The following LILRB3 variants were observed in gnomAD, a reference collection of about 807,000 sequenced individuals.
LILRB3 encodes leukocyte immunoglobulin-like receptor subfamily B member 3.
Under a neutral mutation model 68.2 loss-of-function variants are expected in LILRB3, and 32 were observed. That is an observed-to-expected ratio of 0.47 (90% CI 0.35 to 0.63). LILRB3 has a LOEUF of 0.63. Among genes scored for constraint, LILRB3 ranks in the 30% least tolerant of loss-of-function variants. The probability of loss-of-function intolerance (pLI) is 0.00; values close to 1 mark genes in which losing one functional copy is unlikely to be tolerated. For missense variants in LILRB3, 502 were observed against 791.3 expected, an observed-to-expected ratio of 0.63 and a Z score of 4.39; for synonymous variants, 185 against 323.1, an observed-to-expected ratio of 0.57 and a Z score of 4.58.
At chr19:54,219,454 CG>C in intron 7 of LILRB3, 3 of 1,536,004 alleles carry the variant, frequency 2.0e-6, no homozygotes, top group Non-Finnish European at 2.6e-6. Flanking sequence ...AGCGAGGAAG[CG>C]GCAGAGCTGG....
chr19:54,219,858 C>T (rs1339630689), intron 7 of LILRB3: 23 of 1,548,814 alleles, frequency 1.5e-5, no homozygotes, highest in Non-Finnish European at 2.0e-5. Flanking sequence ...CACTCAGAGC[C>T]CCTCACTCAC....
intron 7 of LILRB3, 119 bp downstream of exon 7, chr19:54,220,036 C>T: frequency 9.7e-7 from 1 of 1,036,100 alleles, no homozygotes; most frequent in Non-Finnish European, 1.3e-6. Flanking sequence ...CCCTCACCAG[C>T]CCAGCCTCAG....
At chr19:54,218,937 C>T in intron 8 of LILRB3, 99 bp from the exon 9 acceptor site, 1 of 1,570,498 alleles carries the variant, frequency 6.4e-7, no homozygotes, top group Non-Finnish European at 8.7e-7. Flanking sequence ...AATATTCCTG[C>T]ATGGATGTTC....
intron 7 of LILRB3, chr19:54,219,777 T>C (rs1173049767): frequency 1.1e-5 from 16 of 1,499,408 alleles, no homozygotes; most frequent in African/African-American, 2.8e-5. Flanking sequence ...CCTGTCCACA[T>C]CACCACCTCC....
chr19:54,216,931 CT>C, exon 13 of LILRB3: 1 of 1,463,480 alleles, frequency 6.8e-7, no homozygotes, highest in Non-Finnish European at 9.0e-7. Context: ...TATTAGTCAT[CT>C]TTGAGTCAGG....
At chr19:54,218,973 AC>A in intron 8 of LILRB3, 135 bp from the exon 9 acceptor site, 7 of 1,529,086 alleles carry the variant, frequency 4.6e-6, no homozygotes, top group South Asian at 1.2e-5. Context: ...ATAGAAAAAA[AC>A]TCCCATGAAT....
Position 54,222,687 on chromosome 19 carries a change from A to T in LILRB3, c.70+60T>A. ...CTACTGTCTCCTCCCCCAGCTGCCCATGGGTGGCCCCCTGTCCCAGTGAGG... is the reference window on the plus strand; with the variant it reads ...CTACTGTCTCCTCCCCCAGCTGCCCTTGGGTGGCCCCCTGTCCCAGTGAGG... On this transcript the variant is annotated intron_variant, in intron 2 of 12. Coordinates refer to ENST00000445347, the Ensembl canonical transcript of LILRB3. The T allele has an allele frequency of 3.1e-6, 5 of 1,612,420 alleles. No homozygotes were observed. In the Admixed American group the frequency reaches 8.3e-5, roughly 27 times the overall value.
At chr19:54,222,308 G>A (rs1314430108) in exon 3 of LILRB3, 5 of 1,610,132 alleles carry the variant, frequency 3.1e-6, no homozygotes, top group African/African-American at 1.4e-5. Flanking sequence ...GGGTCGCTGG[G>A]CTCTGACCAG....
Position 54,221,875 on chromosome 19 carries a change from G to C in LILRB3, c.611C>G (p.Pro204Arg), listed in dbSNP as rs1369763592. ...GTCACTGGGGTGGGACCACACCCAG[G>C]GGGTGTTTGTATAATAGTAATAGCA... is the stretch of plus-strand genomic sequence containing the variant. Residue 204 changes from proline (P) to arginine (R), a missense_variant, in exon 4 of 13, where the codon CCC (proline) becomes CGC (arginine). Physicochemically the swap from Pro to Arg is moderately radical, Grantham distance 103. Coordinates refer to ENST00000445347, the Ensembl canonical transcript of LILRB3. 7 of 1,528,990 alleles carry C rather than the reference G, an allele frequency of 4.6e-6. No individual in the cohort carries two copies. In the Admixed American group the frequency reaches 1.1e-4, roughly 23 times the overall value. The allele number at this position is 1,528,990 out of a possible 1,614,324, so 94.7% of individuals were successfully genotyped here.
intron 4 of LILRB3, chr19:54,221,581 C>T: frequency 6.8e-7 from 1 of 1,467,940 alleles, no homozygotes. Flanking sequence ...GATCTTTCCT[C>T]CTCTCCCTGA....
At chr19:54,217,903 A>G (rs1487327109) in intron 11 of LILRB3, among the ~76,000 whole-genome samples, 1 of 151,066 alleles carries the variant, frequency 6.6e-6, no homozygotes, top group African/African-American at 2.4e-5. Flanking sequence ...AGCACGTTGC[A>G]CTCCTGGACA....
At chr19:54,222,201 A>G in intron 3 of LILRB3, 71 bp from the exon 4 acceptor site, 11 of 1,611,244 alleles carry the variant, frequency 6.8e-6, no homozygotes, top group Middle Eastern at 1.7e-4. Context: ...CTGGGCTGTG[A>G]GAGGGAGACG....
intron 2 of LILRB3, 46 bp downstream of exon 2, chr19:54,222,701 G>A (rs2078322366): frequency 6.2e-7 from 1 of 1,612,534 alleles, no homozygotes; most frequent in Admixed American, 1.7e-5. Flanking sequence ...GTGGCCCCCT[G>A]TCCCAGTGAG....
Position 54,216,934 on chromosome 19 carries a change from T to C in LILRB3, c.*159A>G, listed in dbSNP as rs1243655055. 9.6e-6 allele frequency: 14 copies of C among 1,465,922 alleles called. 1 individual carries two copies. The highest frequency in any genetic ancestry group is 1.3e-5 in the Non-Finnish European group (14 of 1,106,814). 90.8% of individuals were successfully genotyped at this position (1,465,922 alleles called of 1,614,324 possible). A position where few individuals can be genotyped will look rare whatever the true frequency, so the allele number is the denominator to read the frequency against. ...AAAATGGGACGATATTAGTCATCTT[T>C]GAGTCAGGTGAGTCCCACAAGTTCC... On this transcript the variant is annotated 3_prime_UTR_variant, in exon 13 of 13. Transcript: ENST00000445347.
chr19:54,216,876 A>T, exon 13 of LILRB3: 1 of 1,428,874 alleles, frequency 7.0e-7, no homozygotes, highest in East Asian at 2.5e-5. Context: ...TTATTAACTC[A>T]TTGATTGTTG....
At chr19:54,219,604 G>C in intron 7 of LILRB3, 1 of 1,541,030 alleles carries the variant, frequency 6.5e-7, no homozygotes, top group African/African-American at 1.4e-5. Flanking sequence ...CACTGCTGCA[G>C]GTGGGACGGG....
At chr19:54,219,513 G>A in intron 7 of LILRB3, 2 of 1,550,388 alleles carry the variant, frequency 1.3e-6, no homozygotes, top group Non-Finnish European at 1.7e-6. Flanking sequence ...CTGCACCAGA[G>A]CCGAGACCCG....
intron 7 of LILRB3, chr19:54,219,925 TCAGGACAGGGAGGTGA>T (rs2077929714): frequency 1.3e-6 from 2 of 1,528,250 alleles, no homozygotes; most frequent in African/African-American, 2.8e-5. Flanking sequence ...ACCTCCTGGG[TCAGGACAGGGAGGTGA>T]AGGCTGGGGC....
intron 11 of LILRB3, among the ~76,000 whole-genome samples, 191 bp downstream of exon 11, chr19:54,218,170 C>G (rs112913349): frequency 6.6e-6 from 1 of 151,714 alleles, no homozygotes; most frequent in Non-Finnish European, 1.5e-5. Context: ...GAAGGGGACC[C>G]GGGAGGAGGC....
Sources: allele counts gnomAD v4.1 joint callset (sites outside exome capture counted in the v4.1 genomes callset), GRCh38; gene constraint gnomAD v4.1.1; transcripts MANE v1.5; gene names NCBI Gene and HGNC (gene_info 2026-07-23, HGNC 2026-07-21).